NWD2: variants seen among roughly 807,000 people sequenced by gnomAD.
NWD2 encodes the protein NACHT and WD repeat domain-containing protein 2.
NWD2 carries 37 observed loss-of-function variants against 132.7 expected under a neutral mutation model. That is an observed-to-expected ratio of 0.28 (90% confidence interval 0.21 to 0.37). NWD2 has a LOEUF of 0.37. NWD2 is among the 10% of genes least tolerant of loss of function. The pLI is 1.00. For missense variants in NWD2, 1,592 were observed against 2,122.4 expected (o/e 0.75, Z 4.91); for synonymous variants, 705 against 803.0 (o/e 0.88, Z 2.06).
intron 2 of NWD2, among the ~76,000 whole-genome samples, chr4:37,327,522 A>T (rs1342008308): frequency 6.6e-6 from 1 of 152,130 alleles, no homozygotes; most frequent in African/African-American, 2.4e-5. Flanking sequence ...CCAGTTCTCT[A>T]CGGGTACTGG....
intron 1 of NWD2, among the ~76,000 whole-genome samples, chr4:37,249,758 G>C (rs956632731): frequency 9.9e-5 from 15 of 152,186 alleles, no homozygotes; most frequent in African/African-American, 3.6e-4. Context: ...ATTATTGAGA[G>C]TCATGAACTC....
intron 3 of NWD2, among the ~76,000 whole-genome samples, chr4:37,381,775 A>G (rs1387205386): frequency 6.6e-6 from 1 of 152,246 alleles, no homozygotes; most frequent in African/African-American, 2.4e-5. Context: ...TGAAAATACT[A>G]TAAACAGTTC....
intron 1 of NWD2, among the ~76,000 whole-genome samples, chr4:37,294,324 A>G (rs1718434285): frequency 6.6e-6 from 1 of 152,166 alleles, no homozygotes; most frequent in South Asian, 2.1e-4. Context: ...AGAAATCCTT[A>G]ATACCAAAGG....
intron 1 of NWD2, among the ~76,000 whole-genome samples, chr4:37,317,894 A>G (rs1393901950): frequency 1.3e-5 from 2 of 152,174 alleles, no homozygotes; most frequent in East Asian, 3.8e-4. Flanking sequence ...CTTTAGGAGG[A>G]CATGTTAATT....
At chr4:37,373,786 G>A (rs61568200) in intron 3 of NWD2, among the ~76,000 whole-genome samples, 8,793 of 152,218 alleles carry the variant, frequency 0.058, 566 homozygotes, top group East Asian at 0.17. Flanking sequence ...CAAGCCAGAC[G>A]TCCTGTATAT....
intron 2 of NWD2, among the ~76,000 whole-genome samples, chr4:37,341,097 C>T (rs1719509364): frequency 6.6e-6 from 1 of 152,234 alleles, no homozygotes; most frequent in Admixed American, 6.5e-5. Flanking sequence ...AAGTGATACA[C>T]ATTCAGTAGA....
At chr4:37,329,421 C>T (rs1234564655) in intron 2 of NWD2, among the ~76,000 whole-genome samples, 1 of 152,038 alleles carries the variant, frequency 6.6e-6, no homozygotes, top group Non-Finnish European at 1.5e-5. Context: ...GAGAAAGACT[C>T]GGTGATAAGG....
At chr4:37,299,036 C>CT (rs751149511) in intron 1 of NWD2, among the ~76,000 whole-genome samples, 21 of 152,136 alleles carry the variant, frequency 1.4e-4, no homozygotes, top group Non-Finnish European at 2.6e-4. Flanking sequence ...TACAGAGTCT[C>CT]TTTCCTGTGT....
chr4:37,315,122 C>T (rs1232697158), intron 1 of NWD2, among the ~76,000 whole-genome samples: 1 of 152,036 alleles, frequency 6.6e-6, no homozygotes, highest in Non-Finnish European at 1.5e-5. Flanking sequence ...TGATTTCTAA[C>T]TTAATTTTGT....
chr4:37,254,245 C>G (rs975414359), intron 1 of NWD2, among the ~76,000 whole-genome samples: 1 of 152,148 alleles, frequency 6.6e-6, no homozygotes, highest in Non-Finnish European at 1.5e-5. Flanking sequence ...TGTTGAAATA[C>G]TAAAAGTTCC....
At chr4:37,362,497 G>T (rs2109302768) in intron 3 of NWD2, among the ~76,000 whole-genome samples, 1 of 152,252 alleles carries the variant, frequency 6.6e-6, no homozygotes, top group South Asian at 2.1e-4. Flanking sequence ...ACAAAATGGA[G>T]AACCCAGAAA....
intron 3 of NWD2, among the ~76,000 whole-genome samples, chr4:37,418,561 C>CA (rs1450437881): frequency 6.6e-6 from 1 of 151,778 alleles, no homozygotes; most frequent in Non-Finnish European, 1.5e-5. Context: ...TGTCAACACT[C>CA]ATAAACTATG....
chr4:37,295,783 G>A (rs1396425036), intron 1 of NWD2, among the ~76,000 whole-genome samples: 2 of 152,150 alleles, frequency 1.3e-5, no homozygotes, highest in Non-Finnish European at 2.9e-5. Context: ...TTCAGGACAA[G>A]TCCCTTATCC....
At chr4:37,311,898 T>C (rs1032808414) in intron 1 of NWD2, among the ~76,000 whole-genome samples, 1 of 151,528 alleles carries the variant, frequency 6.6e-6, no homozygotes, top group Non-Finnish European at 1.5e-5. Context: ...CCTTTCCCTA[T>C]TGCTTGTTTT....
intron 2 of NWD2, among the ~76,000 whole-genome samples, chr4:37,336,181 A>G (rs1230374954): frequency 3.3e-5 from 5 of 152,122 alleles, no homozygotes; most frequent in East Asian, 1.9e-4. Context: ...CAAATATTTC[A>G]TATTTTCATT....
chr4:37,362,098 C>G (rs989282866), intron 3 of NWD2, among the ~76,000 whole-genome samples: 6 of 152,008 alleles, frequency 3.9e-5, no homozygotes, highest in Non-Finnish European at 7.4e-5. Flanking sequence ...ATACCTAGGA[C>G]CACATCTAAC....
chr4:37,432,728 T>C (rs919005616), intron 4 of NWD2, among the ~76,000 whole-genome samples: 2 of 152,246 alleles, frequency 1.3e-5, no homozygotes, highest in African/African-American at 4.8e-5. Flanking sequence ...TTTATATTCA[T>C]GCATCTTATA....
intron 3 of NWD2, among the ~76,000 whole-genome samples, chr4:37,390,409 A>ATGTG (rs3064358): frequency 6.7e-6 from 1 of 150,004 alleles, no homozygotes; most frequent in African/African-American, 2.5e-5. Context: ...ATAATCTGAA[A>ATGTG]TTTTTTTTTT....
intron 2 of NWD2, among the ~76,000 whole-genome samples, chr4:37,330,110 T>C (rs758806397): frequency 9.9e-5 from 15 of 152,232 alleles, no homozygotes; most frequent in Non-Finnish European, 1.5e-4. Context: ...ATACCTTTTA[T>C]CTATGTGCCT....
Sources: gnomAD v4.1 joint callset for allele counts (sites outside exome capture counted in the v4.1 genomes callset) on GRCh38, gnomAD v4.1.1 for gene constraint, MANE v1.5 for transcripts, NCBI Gene and HGNC (gene_info 2026-07-23, HGNC 2026-07-21) for gene names.